AMER3: variants seen among roughly 807,000 people sequenced by gnomAD.
The protein encoded by AMER3 is APC membrane recruitment protein 3.
For missense variants in AMER3, 1,201 were observed against 1,139.4 expected (o/e 1.05, Z -0.78); for synonymous variants, 541 against 485.5 (o/e 1.11, Z -1.50).
intron 1 of AMER3, among the ~76,000 whole-genome samples, chr2:130,758,423 AAAG>A (rs1049791609): frequency 3.3e-5 from 5 of 151,624 alleles, no homozygotes; most frequent in African/African-American, 4.8e-5. Context: ...AAGGAGAAAG[AAAG>A]AAGGAGGGAG....
chr2:130,756,532 T>C (rs1432227712), intron 1 of AMER3, among the ~76,000 whole-genome samples: 2 of 151,946 alleles, frequency 1.3e-5, no homozygotes, highest in African/African-American at 4.8e-5. Flanking sequence ...CACCCAGCGG[T>C]TCCCGGCGCA....
chr2:130,764,456 C>G lies in AMER3; in HGVS notation c.2384C>G (p.Pro795Arg), dbSNP rs1200573228. The G allele has an allele frequency of 5.6e-6, 9 of 1,600,294 alleles. No homozygotes were observed. The East Asian group carries it at 2.0e-4, about 36-fold the overall frequency. The change falls in exon 2 of 2, where the codon CCC becomes CGC. Residue 795 changes from proline (P) to arginine (R), a missense_variant. By Grantham distance (103) the Pro-to-Arg change is moderately radical. Coordinates refer to ENST00000321420, the MANE Select transcript of AMER3 (RefSeq NM_152698.3). ...CACGGCAGCCAGCTGGACTCTGAGC[C>G]CCGCTCAGCCCCTGCTGCCCGGTGG... Reference protein sequence around the residue: ...VAHGSQLDSEPRSAPAARWSS... With the variant: ...VAHGSQLDSERRSAPAARWSS...
In AMER3 at chr2:130,763,867, G is replaced by A. The variant is rs377199279; in HGVS notation, c.1795G>A (p.Ala599Thr). The change falls in exon 2 of 2, where the codon GCC becomes ACC. Residue 599 changes from alanine (A) to threonine (T), a missense_variant. Physicochemically the swap from Ala to Thr is moderately conservative, Grantham distance 58. Coordinates refer to ENST00000321420, the MANE Select transcript of AMER3 (RefSeq NM_152698.3). ...TQGTGTLSRDASREEETRGHS... is the reference protein window; with the variant it reads ...TQGTGTLSRDTSREEETRGHS... ...AGGGACTGGCACACTGTCCAGGGAT[G>A]CCTCTCGAGAGGAAGAGACACGAGG... The A allele has an allele frequency of 1.7e-5, 28 of 1,613,350 alleles. No individual in the cohort carries two copies. The highest frequency in any genetic ancestry group is 2.3e-5 in the Non-Finnish European group (27 of 1,180,040).
rs1311130639 is a variant in AMER3, at chr2:130,763,925, C to T, written c.1853C>T (p.Ser618Phe). Residue 618 changes from serine to phenylalanine, a missense_variant, in exon 2 of 2, where the codon TCT (serine) becomes TTT (phenylalanine). By Grantham distance (155) the Ser-to-Phe change is radical. Transcript: ENST00000321420. ...GAAGGCTTGTTCTCCTCTATGGAGTCTGCAGCCACTTCGACAACAGATACT... is the reference window on the plus strand; with the variant it reads ...GAAGGCTTGTTCTCCTCTATGGAGTTTGCAGCCACTTCGACAACAGATACT... ...HSEGLFSSME[S>F]AATSTTDTSG... The T allele has an allele frequency of 1.9e-6, 3 of 1,613,732 alleles. No homozygotes were observed. Among genetic ancestry groups the T allele is most frequent in the Non-Finnish European group, 8.5e-7 (1 of 1,180,032 alleles).
Position 130,764,257 on chromosome 2 carries a change from A to T in AMER3, c.2185A>T (p.Thr729Ser). 4 of 1,610,300 alleles carry T rather than the reference A, an allele frequency of 2.5e-6. No homozygotes were observed. The highest frequency in any genetic ancestry group is 2.5e-6 in the Non-Finnish European group (3 of 1,178,272). ...QKQSSSSPSM[T>S]TIHGLPYSAS... ...ACAGTCCAGCAGCTCCCCCAGCATGACCACCATCCATGGCCTACCCTACTC... is the reference window on the plus strand; with the variant it reads ...ACAGTCCAGCAGCTCCCCCAGCATGTCCACCATCCATGGCCTACCCTACTC... Residue 729 changes from threonine to serine, a missense_variant, in exon 2 of 2, where the codon ACC (threonine) becomes TCC (serine). Coordinates refer to ENST00000321420, the MANE Select transcript of AMER3 (RefSeq NM_152698.3).
rs1203411589 is a variant in AMER3, at chr2:130,763,262, A to G, written c.1190A>G (p.Glu397Gly). Residue 397 changes from glutamate to glycine, a missense_variant, in exon 2 of 2, where the codon GAG becomes GGG. Glu to Gly is a moderately conservative substitution (Grantham distance 98). Transcript: ENST00000321420. ...YYDSFSPGLEEDKKEAESPGT... is the reference protein window; with the variant it reads ...YYDSFSPGLEGDKKEAESPGT... ...GATTCCTTCTCGCCAGGACTTGAGG[A>G]GGACAAGAAGGAAGCTGAGAGCCCA... 1 of 1,613,832 alleles carries G rather than the reference A, an allele frequency of 6.2e-7. No homozygotes were observed. Among genetic ancestry groups the G allele is most frequent in the South Asian group, 1.1e-5 (1 of 91,078 alleles).
At position 130,764,127 on chromosome 2, in the gene AMER3, C is replaced by G; in HGVS notation, c.2055C>G (p.Ile685Met). 1 of 1,611,974 alleles carries G rather than the reference C, an allele frequency of 6.2e-7. No homozygotes were observed. The change falls in exon 2 of 2, where the codon ATC becomes ATG. Residue 685 changes from isoleucine (I) to methionine (M), a missense_variant. Coordinates refer to ENST00000321420, the MANE Select transcript of AMER3 (RefSeq NM_152698.3). ...TGGCCCGTGTGGCAGCCCTGAAGAT[C>G]AGCTCAAACGAACAGCCCCCGGCCG... is the stretch of plus-strand genomic sequence containing the variant. The part of the protein sequence containing the change: ...GCVARVAALK[I>M]SSNEQPPAAW...
rs912347666 is a variant in AMER3 at position 130,767,024 on chromosome 2, G to A, written c.*2366G>A. 1.2e-5 allele frequency: 2 copies of A among 167,070 alleles called. No individual in the cohort carries two copies. The highest frequency in any genetic ancestry group is 4.8e-5 in the African/African-American group (2 of 41,444). 10.3% of individuals were successfully genotyped at this position (167,070 alleles called of 1,614,324 possible). A position where few individuals can be genotyped will look rare whatever the true frequency, so the allele number is the denominator to read the frequency against. Reference sequence around the variant, plus strand: ...AGGCTTTTGACTCCACTCCCTCCACGCTGTCAGATCGCCATTCCCCTTCAG... The same window carrying A: ...AGGCTTTTGACTCCACTCCCTCCACACTGTCAGATCGCCATTCCCCTTCAG... On this transcript the variant is annotated 3_prime_UTR_variant, in exon 2 of 2. Transcript: ENST00000321420.
chr2:130,763,414 C>G lies in AMER3; in HGVS notation c.1342C>G (p.Leu448Val). 6.2e-7 allele frequency: 1 copy of G among 1,613,044 alleles called. No homozygotes were observed. Among genetic ancestry groups the G allele is most frequent in the South Asian group, 1.1e-5 (1 of 91,082 alleles). Residue 448 changes from leucine (L) to valine (V), a missense_variant, in exon 2 of 2, where the codon CTG becomes GTG. Leu to Val is a conservative substitution (Grantham distance 32). Transcript: ENST00000321420. ...PDDDLCVSESLSGPALGTPLS... is the reference protein window; with the variant it reads ...PDDDLCVSESVSGPALGTPLS... The stretch of plus-strand genomic sequence containing the variant: ...TGATGACCTGTGCGTGTCTGAGAGT[C>G]TGTCAGGGCCGGCCCTGGGGACGCC...
rs1678863537 is a variant in AMER3, at chr2:130,763,388, A to G, written c.1316A>G (p.Asp439Gly). 6.2e-7 allele frequency: 1 copy of G among 1,613,094 alleles called. No individual in the cohort carries two copies. The highest frequency in any genetic ancestry group is 8.5e-7 in the Non-Finnish European group (1 of 1,179,988). The change falls in exon 2 of 2, where the codon GAT (aspartate) becomes GGT (glycine). Residue 439 changes from aspartate to glycine, a missense_variant. Asp to Gly is a moderately conservative substitution (Grantham distance 94). Coordinates refer to ENST00000321420, the MANE Select transcript of AMER3 (RefSeq NM_152698.3). ...GAGGGTCCTCTTGGCCCCAGCCCAG[A>G]TGATGACCTGTGCGTGTCTGAGAGT... The part of the protein sequence containing the change: ...PSEGPLGPSP[D>G]DDLCVSESLS...
In AMER3 at chr2:130,763,998, GA is replaced by G. The variant is rs1678900762; in HGVS notation, c.1928del (p.Lys643ArgfsTer41). ...TTCCTTCTACCTGGCCCTGCTCCCA[GA>G]AGGAGCCTGGGCCACCAGGGGTCCT... is the stretch of plus-strand genomic sequence containing the variant. ...PVPSTWPCSQ[K>X]EPGPPGVLGC... On this transcript the variant is annotated frameshift_variant, in exon 2 of 2. Transcript: ENST00000321420. LOFTEE classifies it low-confidence loss of function (END_TRUNC). The G allele has an allele frequency of 6.2e-7, 1 of 1,613,190 alleles. No homozygotes were observed. Among genetic ancestry groups the G allele is most frequent in the Non-Finnish European group, 8.5e-7 (1 of 1,179,830 alleles).
chr2:130,763,814 A>G lies in AMER3; in HGVS notation c.1742A>G (p.Glu581Gly). Residue 581 changes from glutamate (E) to glycine (G), a missense_variant, in exon 2 of 2, where the codon GAG becomes GGG. Coordinates refer to ENST00000321420, the MANE Select transcript of AMER3 (RefSeq NM_152698.3). ...HPGTTGLLAG[E>G]SKALGGATQG... ...GGCACCACAGGCCTGCTCGCCGGAGAGAGCAAGGCCCTCGGAGGGGCCACA... is the reference window on the plus strand; with the variant it reads ...GGCACCACAGGCCTGCTCGCCGGAGGGAGCAAGGCCCTCGGAGGGGCCACA... 6.2e-7 allele frequency: 1 copy of G among 1,612,332 alleles called. No homozygotes were observed. Among genetic ancestry groups the G allele is most frequent in the Non-Finnish European group, 8.5e-7 (1 of 1,179,614 alleles).
chr2:130,762,337 G>T lies in AMER3; in HGVS notation c.265G>T (p.Val89Leu), dbSNP rs897382592. 1.9e-6 allele frequency: 3 copies of T among 1,611,072 alleles called. No homozygotes were observed. The highest frequency in any genetic ancestry group is 1.3e-5 in the African/African-American group (1 of 74,926). Residue 89 changes from valine to leucine, a missense_variant, in exon 2 of 2, where the codon GTG becomes TTG. By Grantham distance (32) the Val-to-Leu change is conservative. Coordinates refer to ENST00000321420, the MANE Select transcript of AMER3 (RefSeq NM_152698.3). ...AALCGATFKP[V>L]RKCKTHDSMS... ...CCTCTGTGGAGCCACCTTCAAACCG[G>T]TGCGAAAGTGCAAGACTCACGACAG...
rs182461406 is a variant in AMER3 at position 130,756,565 on chromosome 2, C to G, written c.-20+891C>G. 2.0e-5 allele frequency among the ~76,000 whole-genome samples: 3 copies of G among 152,222 alleles called. No individual in the cohort carries two copies. The East Asian group carries it at 5.8e-4, about 30-fold the overall frequency. On this transcript the variant is annotated intron_variant, in intron 1 of 1. Coordinates refer to ENST00000321420, the MANE Select transcript of AMER3 (RefSeq NM_152698.3). ...GCAGTCAGGGGCCTGGGAGCGGTGA[C>G]CCTTTTAGGTCTGGGCTAGGGAAGC...
At chr2:130,760,071 G>A (rs998611526) in intron 1 of AMER3, among the ~76,000 whole-genome samples, 4 of 152,186 alleles carry the variant, frequency 2.6e-5, no homozygotes, top group African/African-American at 9.6e-5. Flanking sequence ...AAAGACTTAG[G>A]CATACACCAT....
intron 1 of AMER3, among the ~76,000 whole-genome samples, chr2:130,759,198 C>T (rs1448281315): frequency 3.3e-5 from 5 of 152,202 alleles, no homozygotes; most frequent in African/African-American, 9.7e-5. Context: ...GCAAAGTGCT[C>T]AATAAACTCA....
chr2:130,758,278 C>T (rs1678670961), intron 1 of AMER3, among the ~76,000 whole-genome samples: 2 of 151,544 alleles, frequency 1.3e-5, no homozygotes, highest in Non-Finnish European at 1.5e-5. Flanking sequence ...GCAGGGGAAT[C>T]GCTTGAACCC....
At chr2:130,758,912 C>T (rs1678698712) in intron 1 of AMER3, among the ~76,000 whole-genome samples, 2 of 152,264 alleles carry the variant, frequency 1.3e-5, no homozygotes, top group South Asian at 4.1e-4. Flanking sequence ...ACAAGGCCAG[C>T]ATCTGGCTGT....
At chr2:130,756,863 A>C (rs1255914697) in intron 1 of AMER3, among the ~76,000 whole-genome samples, 1 of 111,504 alleles carries the variant, frequency 9.0e-6, no homozygotes, top group African/African-American at 3.6e-5. Context: ...AGTGGCCCTC[A>C]CTCCAGCCCT....
Sources: gnomAD v4.1 joint callset for allele counts (sites outside exome capture counted in the v4.1 genomes callset) on GRCh38, gnomAD v4.1.1 for gene constraint, MANE v1.5 for transcripts, NCBI Gene and HGNC (gene_info 2026-07-23, HGNC 2026-07-21) for gene names.